Variants in LDLRAD4 observed in about 807,000 individuals in gnomAD.
LDLRAD4 encodes low-density lipoprotein receptor class A domain-containing protein 4.
LDLRAD4 carries 5 observed loss-of-function variants against 17.0 expected under a neutral mutation model. The observed-to-expected ratio is 0.29, with a 90% CI of 0.15 to 0.62. The LOEUF is 0.62. LDLRAD4 is among the 20% of genes least tolerant of loss of function. The pLI is 0.84. For missense variants in LDLRAD4, 340 were observed against 424.7 expected (o/e 0.80, Z 1.75); for synonymous variants, 168 against 171.8 (o/e 0.98, Z 0.17).
chr18:13,443,612 T>C (rs553569172), intron 3 of LDLRAD4, among the ~76,000 whole-genome samples: 1 of 152,342 alleles, frequency 6.6e-6, no homozygotes, highest in Admixed American at 6.5e-5. Flanking sequence ...GCCCCAGGCA[T>C]CGTAGATCGC....
chr18:13,519,655 C>A (rs2093923584), intron 3 of LDLRAD4: 1 of 152,174 alleles, frequency 6.6e-6, no homozygotes, highest in South Asian at 2.1e-4. Context: ...GTCTCAGCTA[C>A]TCGGGAGGCC....
At chr18:13,533,790 G>A (rs1460012283) in intron 3 of LDLRAD4, among the ~76,000 whole-genome samples, 4 of 152,130 alleles carry the variant, frequency 2.6e-5, no homozygotes, top group Non-Finnish European at 5.9e-5. Context: ...GTTCTGCTCT[G>A]GGAATTAAAG....
upstream of LDLRAD4, among the ~76,000 whole-genome samples, chr18:13,277,159 C>T (rs1186498437): frequency 1.3e-5 from 2 of 152,170 alleles, no homozygotes; most frequent in Non-Finnish European, 2.9e-5. Flanking sequence ...ATCCGGCTGT[C>T]TTTACATGGG....
intron 2 of LDLRAD4, among the ~76,000 whole-genome samples, chr18:13,436,397 G>A (rs1466933981): frequency 6.6e-6 from 1 of 152,136 alleles, no homozygotes; most frequent in East Asian, 1.9e-4. Context: ...TCATTTCTTG[G>A]GTAGTTTAAT....
intron 1 of LDLRAD4, chr18:13,241,595 C>T (rs1368402640): frequency 6.6e-6 from 1 of 152,308 alleles, no homozygotes; most frequent in African/African-American, 2.4e-5. Context: ...GAAGGCTGGG[C>T]CTCCTGCTGA....
At chr18:13,345,200 A>G (rs2082611579) in intron 1 of LDLRAD4, among the ~76,000 whole-genome samples, 1 of 152,168 alleles carries the variant, frequency 6.6e-6, no homozygotes, top group African/African-American at 2.4e-5. Flanking sequence ...ACCATTCAGT[A>G]TGATATTGGC....
chr18:13,274,452 G>A (rs1373210225), upstream of LDLRAD4, among the ~76,000 whole-genome samples: 4 of 152,354 alleles, frequency 2.6e-5, no homozygotes, highest in East Asian at 3.9e-4. Flanking sequence ...AAAGGAAGAG[G>A]TGAATTTGTT....
chr18:13,639,721 G>A (rs2042364810), intron 4 of LDLRAD4, among the ~76,000 whole-genome samples: 1 of 152,188 alleles, frequency 6.6e-6, no homozygotes, highest in African/African-American at 2.4e-5. Flanking sequence ...CATGTACTGT[G>A]TGGGTGAAAG....
At chr18:13,459,261 C>G (rs2092309318) in intron 3 of LDLRAD4, among the ~76,000 whole-genome samples, 1 of 150,712 alleles carries the variant, frequency 6.6e-6, no homozygotes, top group South Asian at 2.1e-4. Context: ...TCACTTGAGC[C>G]TAGGAGCTTG....
At chr18:13,485,789 G>A (rs1373006869) in intron 3 of LDLRAD4, among the ~76,000 whole-genome samples, 2 of 152,214 alleles carry the variant, frequency 1.3e-5, no homozygotes, top group Non-Finnish European at 2.9e-5. Flanking sequence ...TGAGGCAAGA[G>A]GATCGCTTGA....
At chr18:13,603,489 C>T (rs1344511811) in intron 3 of LDLRAD4, among the ~76,000 whole-genome samples, 1 of 152,260 alleles carries the variant, frequency 6.6e-6, no homozygotes, top group East Asian at 1.9e-4. Context: ...TTGCCAGTTA[C>T]TGCTGTGTGA....
chr18:13,495,848 A>G (rs534778164), intron 3 of LDLRAD4, among the ~76,000 whole-genome samples: 1 of 152,170 alleles, frequency 6.6e-6, no homozygotes, highest in Non-Finnish European at 1.5e-5. Context: ...GCCACTGCGC[A>G]GTGTTCAGAG....
chr18:13,642,644 G>C lies in LDLRAD4; in HGVS notation c.337-715G>C, dbSNP rs942121290. 1.8e-5 allele frequency: 22 copies of C among 1,230,972 alleles called. No homozygotes were observed. The East Asian group carries it at 6.6e-4, about 37-fold the overall frequency. The allele number at this position is 1,230,972 out of a possible 1,614,324, so 76.3% of individuals were successfully genotyped here. A position where few individuals can be genotyped will look rare whatever the true frequency, so the allele number is the denominator to read the frequency against. On this transcript the variant is annotated intron_variant, in intron 4 of 5. Coordinates refer to ENST00000359446, the Ensembl canonical transcript of LDLRAD4. ...GCGCCTCTGCTGGAGGCCGGGCAGGGCACGGGCGGGCCCCGGGCCACCTCT... is the reference window on the plus strand; with the variant it reads ...GCGCCTCTGCTGGAGGCCGGGCAGGCCACGGGCGGGCCCCGGGCCACCTCT...
In LDLRAD4 at chr18:13,546,443, A is replaced by C. The variant is rs145996239; in HGVS notation, c.182-74674A>C. On this transcript the variant is annotated intron_variant, in intron 3 of 5. Coordinates refer to ENST00000359446, the Ensembl canonical transcript of LDLRAD4. ...GAGTGCAGTGGTGCAATCATAGCTCATAGCAGCCTCAAATTCCCAGGCTCA... is the reference window on the plus strand; with the variant it reads ...GAGTGCAGTGGTGCAATCATAGCTCCTAGCAGCCTCAAATTCCCAGGCTCA... 2.8e-4 allele frequency among the ~76,000 whole-genome samples: 39 copies of C among 140,074 alleles called. No homozygotes were observed. The East Asian group carries it at 4.2e-3, about 15-fold the overall frequency. The allele number at this position is 140,074 out of a possible 152,430, so 91.9% of individuals were successfully genotyped here. A position where few individuals can be genotyped will look rare whatever the true frequency, so the allele number is the denominator to read the frequency against.
intron 4 of LDLRAD4, among the ~76,000 whole-genome samples, chr18:13,633,536 C>T (rs1040477216): frequency 6.6e-6 from 1 of 152,234 alleles, no homozygotes; most frequent in African/African-American, 2.4e-5. Context: ...CACTGATGCT[C>T]GTCAGCACCC....
intron 2 of LDLRAD4, among the ~76,000 whole-genome samples, chr18:13,430,183 G>C (rs961209671): frequency 2.6e-5 from 4 of 152,188 alleles, no homozygotes; most frequent in Non-Finnish European, 5.9e-5. Context: ...CGTTTCTGCT[G>C]TCAACACCTG....
chr18:13,227,395 C>T (rs367661565), intron 1 of LDLRAD4, among the ~76,000 whole-genome samples: 11 of 152,140 alleles, frequency 7.2e-5, no homozygotes, highest in South Asian at 2.1e-4. Context: ...TGGTCATGAT[C>T]GGTGTGGTTT....
intron 1 of LDLRAD4, among the ~76,000 whole-genome samples, chr18:13,307,268 C>A (rs576215207): frequency 4.6e-5 from 7 of 152,264 alleles, no homozygotes; most frequent in African/African-American, 1.7e-4. Context: ...CTCTGCCCCG[C>A]CTGAGACAGC....
intron 2 of LDLRAD4, among the ~76,000 whole-genome samples, chr18:13,395,072 C>T (rs1290644212): frequency 6.6e-6 from 1 of 152,126 alleles, no homozygotes; most frequent in South Asian, 2.1e-4. Context: ...GCAGCCTGCC[C>T]CGGTCACGCC....
Sources: gnomAD v4.1 joint callset for allele counts (sites outside exome capture counted in the v4.1 genomes callset) on GRCh38, gnomAD v4.1.1 for gene constraint, MANE v1.5 for transcripts, NCBI Gene and HGNC (gene_info 2026-07-23, HGNC 2026-07-21) for gene names.